MYO5B: variants seen among roughly 807,000 people sequenced by gnomAD.
The protein encoded by MYO5B is myosin VB, also known as unconventional myosin-Vb.
Under a neutral mutation model 229.3 loss-of-function variants are expected in MYO5B, and 143 were observed. The ratio of observed to expected loss-of-function variants is 0.62; its 90% confidence interval spans 0.54 to 0.72. The LOEUF is 0.72. MYO5B is among the 30% of genes least tolerant of loss of function. The probability of loss-of-function intolerance (pLI) is 0.00; values close to 1 mark genes in which losing one functional copy is unlikely to be tolerated. For missense variants in MYO5B, 2,321 were observed against 2,331.0 expected (o/e 1.00, Z 0.09); for synonymous variants, 918 against 885.2 (o/e 1.04, Z -0.66).
chr18:50,075,601 T>G (rs2031060330), intron 1 of MYO5B, among the ~76,000 whole-genome samples: 1 of 152,162 alleles, frequency 6.6e-6, no homozygotes, highest in Admixed American at 6.5e-5. Context: ...TAGATCCTAG[T>G]GTGAGGTCCT....
At chr18:50,182,511 A>G (rs1224017710) in intron 1 of MYO5B, among the ~76,000 whole-genome samples, 1 of 152,254 alleles carries the variant, frequency 6.6e-6, no homozygotes, top group Non-Finnish European at 1.5e-5. Flanking sequence ...TGCCCAAAAT[A>G]ACGTGTAAAA....
intron 1 of MYO5B, among the ~76,000 whole-genome samples, chr18:50,069,695 A>C (rs577724491): frequency 6.6e-6 from 1 of 152,314 alleles, no homozygotes; most frequent in South Asian, 2.1e-4. Flanking sequence ...TCTTAGATAC[A>C]GTTTACAGAT....
At chr18:49,979,664 TC>T (rs1451658800) in intron 9 of MYO5B, among the ~76,000 whole-genome samples, 9 of 152,214 alleles carry the variant, frequency 5.9e-5, no homozygotes, top group African/African-American at 2.2e-4. Context: ...AAATTCCAAG[TC>T]CCTGGAAGCA....
chr18:50,134,863 G>A (rs944541170), intron 1 of MYO5B, among the ~76,000 whole-genome samples: 2 of 152,158 alleles, frequency 1.3e-5, no homozygotes, highest in Non-Finnish European at 2.9e-5. Flanking sequence ...CTCCCTTGAT[G>A]CTTGAAGTCA....
At chr18:49,841,230 A>G (rs2024053443) in intron 35 of MYO5B, 135 bp downstream of exon 35, 1 of 822,088 alleles carries the variant, frequency 1.2e-6, no homozygotes, top group Admixed American at 1.7e-5. Context: ...ACGAGGCATG[A>G]TAAGGTGTGC....
rs756171493 is a variant in MYO5B, at chr18:49,877,795, C to T, written c.3364G>A (p.Gly1122Arg). 1.2e-5 allele frequency: 20 copies of T among 1,614,002 alleles called. No homozygotes were observed. The highest frequency in any genetic ancestry group is 4.5e-5 in the East Asian group (2 of 44,896). The stretch of plus-strand genomic sequence containing the variant: ...TGCTGGAGGGCATCCTCAGTGTCTC[C>T]GATCTCAGATGTGGAGATGGAGGGG... ...NYPSISTSEI[G>R]DTEDALQQVE... The change falls in exon 25 of 40, where the codon GGA (glycine) becomes AGA (arginine). Residue 1122 changes from glycine to arginine, a missense_variant. Physicochemically the swap from Gly to Arg is moderately radical, Grantham distance 125 (BLOSUM62 -2). This residue lies in a region of MYO5B where 2,113 missense variants were observed against 2,044.7 expected (regional missense o/e 1.03). Coordinates refer to ENST00000285039, the MANE Select transcript of MYO5B (RefSeq NM_001080467.3).
At chr18:49,990,403 C>G in intron 7 of MYO5B, 36 bp downstream of exon 7, 1 of 1,575,452 alleles carries the variant, frequency 6.3e-7, no homozygotes, top group East Asian at 2.2e-5. Context: ...GAGCAGTAGC[C>G]CACCCCAGAG....
intron 20 of MYO5B, 89 bp downstream of exon 20, chr18:49,904,583 C>T: frequency 6.4e-7 from 1 of 1,553,032 alleles, no homozygotes; most frequent in South Asian, 1.1e-5. Context: ...GTTGGGAGTG[C>T]TTGACAGAGG....
At chr18:50,077,228 C>G (rs75829616) in intron 1 of MYO5B, among the ~76,000 whole-genome samples, 1 of 142,884 alleles carries the variant, frequency 7.0e-6, no homozygotes, top group Non-Finnish European at 1.5e-5. Context: ...TTCTTATTGT[C>G]GGTCTTTCAC....
At position 49,862,819 on chromosome 18, in the gene MYO5B, G is replaced by A. The variant is rs1292940013; in HGVS notation, c.3944+408C>T. Among the ~76,000 whole-genome samples, 3 of 152,266 alleles carry A rather than the reference G, an allele frequency of 2.0e-5. No individual in the cohort carries two copies. The East Asian group carries it at 5.8e-4, about 29-fold the overall frequency. On this transcript the variant is annotated intron_variant, in intron 29 of 39. Transcript: ENST00000285039. ...GAATGACAGAGGGTGGGCCCCCACT[G>A]TGTGACACACACTGCATGCATGAGA...
At chr18:50,009,871 G>A (rs1598950156) in intron 4 of MYO5B, among the ~76,000 whole-genome samples, 1 of 152,344 alleles carries the variant, frequency 6.6e-6, no homozygotes, top group African/African-American at 2.4e-5. Context: ...CCTGGAGGCA[G>A]GGCACTTGTG....
intron 13 of MYO5B, 49 bp from the exon 14 acceptor site, chr18:49,953,392 G>GC: frequency 6.6e-7 from 1 of 1,521,942 alleles, no homozygotes; most frequent in Middle Eastern, 1.7e-4. Context: ...TGCTTCAGCA[G>GC]TTTCTCAACC....
chr18:49,886,633 T>C (rs1296169902), intron 22 of MYO5B, among the ~76,000 whole-genome samples: 2 of 53,706 alleles, frequency 3.7e-5, no homozygotes, highest in African/African-American at 1.7e-4. Flanking sequence ...TGGCAATTTA[T>C]TTTGCCAAAT....
At chr18:50,098,311 G>C (rs1439020712) in intron 1 of MYO5B, among the ~76,000 whole-genome samples, 1 of 152,090 alleles carries the variant, frequency 6.6e-6, no homozygotes, top group Non-Finnish European at 1.5e-5. Context: ...TGTTTAAGGG[G>C]CAAGGTGTAA....
intron 1 of MYO5B, among the ~76,000 whole-genome samples, chr18:50,186,219 C>A (rs185857376): frequency 2.6e-5 from 4 of 152,366 alleles, no homozygotes; most frequent in Admixed American, 6.5e-5. Flanking sequence ...AAGTGCTCAG[C>A]AGCCACATGC....
chr18:49,882,350 G>A (rs1204947212), intron 22 of MYO5B, among the ~76,000 whole-genome samples: 1 of 45,432 alleles, frequency 2.2e-5, no homozygotes, highest in Admixed American at 3.2e-4. Flanking sequence ...ACCCGGCCAG[G>A]TACCGTGCGT....
chr18:50,065,283 G>A (rs2030791194), intron 1 of MYO5B, among the ~76,000 whole-genome samples: 1 of 152,164 alleles, frequency 6.6e-6, no homozygotes, highest in African/African-American at 2.4e-5. Context: ...CACTGTGCGA[G>A]GTGCTGGGCA....
chr18:49,937,103 A>G lies in MYO5B; in HGVS notation c.1905+142T>C, dbSNP rs181135904. The G allele has an allele frequency of 3.6e-4, 366 of 1,021,044 alleles. 2 individuals are homozygous for G. The African/African-American group carries it at 5.2e-3, about 15-fold the overall frequency. The allele number at this position is 1,021,044 out of a possible 1,614,324, so 63.2% of individuals were successfully genotyped here. On this transcript the variant is annotated intron_variant, in intron 15 of 39. Transcript: ENST00000285039. The stretch of plus-strand genomic sequence containing the variant: ...ATTGGAGTTTCCTTCTTCTAAGGAC[A>G]CAAGATAGAGCTGGATGGCTGAGGC...
chr18:49,917,565 A>G (rs2025031115), intron 17 of MYO5B, among the ~76,000 whole-genome samples: 2 of 151,894 alleles, frequency 1.3e-5, no homozygotes, highest in Admixed American at 6.6e-5. Context: ...TCCTCATTAG[A>G]TGGCCATCGA....
Sources: allele counts gnomAD v4.1 joint callset (sites outside exome capture counted in the v4.1 genomes callset), GRCh38; gene constraint gnomAD v4.1.1; regional missense constraint gnomAD v4.1.1; transcripts MANE v1.5; gene names NCBI Gene and HGNC (gene_info 2026-07-23, HGNC 2026-07-21).